The following DHRS4L2 variants were observed in gnomAD, a reference collection of about 807,000 sequenced individuals.
DHRS4L2 encodes dehydrogenase/reductase 4 like 2.
In DHRS4L2, 22 loss-of-function variants were observed where a neutral mutation model predicts 23.9. The ratio of observed to expected loss-of-function variants is 0.92; its 90% CI spans 0.66 to 1.31. DHRS4L2 has a LOEUF of 1.31. DHRS4L2 is among the 40% of genes most tolerant of loss of function. DHRS4L2 has a pLI of 0.00. For missense variants in DHRS4L2, 385 were observed against 303.3 expected (o/e 1.27, Z -2.00); for synonymous variants, 141 against 123.7 (o/e 1.14, Z -0.93).
intron 3 of DHRS4L2, among the ~76,000 whole-genome samples, chr14:23,996,797 T>C (rs536285434): frequency 2.4e-4 from 36 of 151,780 alleles, no homozygotes; most frequent in South Asian, 4.2e-4. Context: ...TGTGCCATCA[T>C]GCCTGGCTAA....
At chr14:23,973,528 C>T (rs1237651384) in intron 1 of DHRS4L2, among the ~76,000 whole-genome samples, 1 of 151,830 alleles carries the variant, frequency 6.6e-6, no homozygotes, top group African/African-American at 2.4e-5. Flanking sequence ...TGCCAGCACA[C>T]TGCCACCTCT....
chr14:23,978,458 C>T (rs2034007181), intron 1 of DHRS4L2, among the ~76,000 whole-genome samples: 2 of 98,556 alleles, frequency 2.0e-5, no homozygotes, highest in East Asian at 4.9e-4. Flanking sequence ...GGAACAGCTC[C>T]AGTCTGCAGC....
At chr14:23,980,759 T>C (rs1316259547) in intron 1 of DHRS4L2, among the ~76,000 whole-genome samples, 2 of 151,390 alleles carry the variant, frequency 1.3e-5, no homozygotes, top group Non-Finnish European at 2.9e-5. Context: ...CAACAGCCTT[T>C]CATGCTAAAA....
Position 23,993,686 on chromosome 14 carries a change from T to C in DHRS4L2, c.307-1346T>C, listed in dbSNP as rs1405449361. Among the ~76,000 whole-genome samples the C allele has an allele frequency of 8.4e-4, 127 of 151,240 alleles. 1 individual carries two copies. The highest frequency in any genetic ancestry group is 2.9e-3 in the East Asian group (14 of 4,804). On this transcript the variant is annotated intron_variant, in intron 2 of 7. Coordinates refer to ENST00000335125, the MANE Select transcript of DHRS4L2 (RefSeq NM_198083.4). ...GAGGTGAGATGTTGCCTTTCTTCGC[T>C]TTCTCAATTTAAATTTCAGTTTCTG...
intron 1 of DHRS4L2, among the ~76,000 whole-genome samples, chr14:23,976,725 C>T (rs2033973785): frequency 6.6e-6 from 1 of 151,756 alleles, no homozygotes. Context: ...CAATGATAGA[C>T]TGGATAAAGG....
Position 23,990,229 on chromosome 14 carries a change from T to A in DHRS4L2, c.176T>A (p.Val59Glu), listed in dbSNP as rs769783380. ...ARRLAQDRAHVVVSSRKQQNV... is the reference protein window; with the variant it reads ...ARRLAQDRAHEVVSSRKQQNV... ...CGTTTGGCCCAGGACAGGGCCCACG[T>A]GGTCGTCAGCAGCCGGAAGCAGCAG... Residue 59 changes from valine (V) to glutamate (E), a missense_variant, in exon 2 of 8, where the codon GTG (valine) becomes GAG (glutamate). Val to Glu is a moderately radical substitution (Grantham distance 121, BLOSUM62 -2). Transcript: ENST00000335125. 17 of 1,612,730 alleles carry A rather than the reference T, an allele frequency of 1.1e-5. No individual in the cohort carries two copies. Among genetic ancestry groups the A allele is most frequent in the Admixed American group, 3.3e-5 (2 of 59,982 alleles).
intron 2 of DHRS4L2, 92 bp downstream of exon 2, chr14:23,990,451 T>A: frequency 6.8e-7 from 1 of 1,465,954 alleles, no homozygotes; most frequent in Non-Finnish European, 9.1e-7. Flanking sequence ...GCAGCACATT[T>A]TTACTGTGTG....
upstream of DHRS4L2, among the ~76,000 whole-genome samples, chr14:23,984,220 T>A (rs533802778): frequency 1.1e-4 from 17 of 151,726 alleles, no homozygotes; most frequent in African/African-American, 3.9e-4. Context: ...AAGAGCTGTA[T>A]GGGAAGAAGG....
chr14:23,997,838 C>A (rs576815058), intron 3 of DHRS4L2, among the ~76,000 whole-genome samples: 4 of 151,904 alleles, frequency 2.6e-5, no homozygotes, highest in African/African-American at 4.8e-5. Flanking sequence ...GATATTTTGA[C>A]CTCCTCCCAT....
intron 2 of DHRS4L2, among the ~76,000 whole-genome samples, chr14:23,993,074 G>T (rs527537106): frequency 6.7e-6 from 1 of 149,028 alleles, no homozygotes; most frequent in African/African-American, 2.5e-5. Flanking sequence ...GGAGTATGGG[G>T]TATACAGCAG....
intron 3 of DHRS4L2, among the ~76,000 whole-genome samples, chr14:23,999,133 T>C (rs2034436636): frequency 6.9e-6 from 1 of 144,348 alleles, no homozygotes; most frequent in Non-Finnish European, 1.5e-5. Flanking sequence ...AAGTTGACCT[T>C]CTTTTCTGGG....
chr14:23,990,261 G>A lies in DHRS4L2; in HGVS notation c.208G>A (p.Asp70Asn). Residue 70 changes from aspartate to asparagine, a missense_variant, in exon 2 of 8, where the codon GAC (aspartate) becomes AAC (asparagine). Transcript: ENST00000335125. The stretch of plus-strand genomic sequence containing the variant: ...CAGCAGCCGGAAGCAGCAGAATGTG[G>A]ACCAGGCGGTGGCCACGCTGCAGGG... ...VVSSRKQQNV[D>N]QAVATLQGEG... 1.9e-6 allele frequency: 3 copies of A among 1,612,800 alleles called. 1 individual carries two copies. The highest frequency in any genetic ancestry group is 2.5e-6 in the Non-Finnish European group (3 of 1,179,360).
chr14:23,987,180 G>T (rs1039464631), upstream of DHRS4L2: 1 of 328,074 alleles, frequency 3.0e-6, no homozygotes, highest in Admixed American at 4.0e-5. Context: ...GCTCAGGTTG[G>T]AGTGCAGTGG....
intron 1 of DHRS4L2, among the ~76,000 whole-genome samples, chr14:23,975,346 T>C (rs1441089912): frequency 2.0e-5 from 3 of 151,520 alleles, no homozygotes; most frequent in Non-Finnish European, 4.4e-5. Context: ...ACAAAGAGAA[T>C]AAAATACCTA....
chr14:23,981,351 T>A (rs952505106), intron 1 of DHRS4L2, among the ~76,000 whole-genome samples: 1 of 151,550 alleles, frequency 6.6e-6, no homozygotes, highest in Admixed American at 6.6e-5. Flanking sequence ...ATAGGAAGAA[T>A]CAATATCGTG....
intron 1 of DHRS4L2, among the ~76,000 whole-genome samples, chr14:23,976,081 G>A (rs1161821878): frequency 6.6e-6 from 1 of 151,228 alleles, no homozygotes; most frequent in Non-Finnish European, 1.5e-5. Flanking sequence ...CAAAAGTAAT[G>A]GCAACAAAAG....
upstream of DHRS4L2, among the ~76,000 whole-genome samples, chr14:23,988,465 A>C (rs572965242): frequency 6.7e-6 from 1 of 150,008 alleles, no homozygotes; most frequent in Admixed American, 6.7e-5. Flanking sequence ...GGTGGACTCC[A>C]TGGGGACCAC....
intron 1 of DHRS4L2, among the ~76,000 whole-genome samples, chr14:23,974,233 G>A (rs1205321898): frequency 1.3e-5 from 2 of 151,496 alleles, no homozygotes; most frequent in African/African-American, 4.9e-5. Context: ...AGAATCTCTG[G>A]GACACATTTA....
intron 1 of DHRS4L2, among the ~76,000 whole-genome samples, chr14:23,974,702 G>A (rs568411278): frequency 3.3e-5 from 5 of 151,752 alleles, no homozygotes; most frequent in African/African-American, 1.2e-4. Flanking sequence ...AAATCAGGAC[G>A]AAGTTGAATT....
Sources: gnomAD v4.1 joint callset for allele counts (sites outside exome capture counted in the v4.1 genomes callset) on GRCh38, gnomAD v4.1.1 for gene constraint, MANE v1.5 for transcripts, NCBI Gene and HGNC (gene_info 2026-07-23, HGNC 2026-07-21) for gene names.